Variants in CNGB3 observed in about 807,000 individuals in gnomAD.
CNGB3 encodes cyclic nucleotide-gated channel beta-3.
A neutral mutation model predicts 92.8 loss-of-function variants in CNGB3; 86 were observed. The ratio of observed to expected loss-of-function variants is 0.93; its 90% CI spans 0.78 to 1.11. The LOEUF (loss-of-function observed/expected upper bound fraction) is 1.11. CNGB3 is among the 50% of genes least tolerant of loss of function. The pLI is 0.00. For synonymous variants in CNGB3, 333 were observed against 332.7 expected (o/e 1.00, Z -0.01); for missense variants, 1,026 against 956.8 (o/e 1.07, Z -0.95).
At chr8:86,591,464 TG>T (rs1822034404) in intron 15 of CNGB3, among the ~76,000 whole-genome samples, 1 of 150,618 alleles carries the variant, frequency 6.6e-6, no homozygotes. Context: ...TCCCCATCTT[TG>T]TGGTTTTATC....
intron 11 of CNGB3, among the ~76,000 whole-genome samples, chr8:86,631,877 C>A (rs888863271): frequency 1.3e-5 from 2 of 152,142 alleles, no homozygotes; most frequent in Non-Finnish European, 2.9e-5. Context: ...ACTTTGCTGA[C>A]TGAGGCCTTG....
intron 12 of CNGB3, 109 bp downstream of exon 12, chr8:86,628,810 A>C (rs1032996430): frequency 8.8e-7 from 1 of 1,141,898 alleles, no homozygotes; most frequent in Non-Finnish European, 1.3e-6. Context: ...AGGATCATTT[A>C]GTTGTTTTTC....
intron 15 of CNGB3, among the ~76,000 whole-genome samples, chr8:86,601,515 T>C (rs1257486576): frequency 6.6e-6 from 1 of 152,064 alleles, no homozygotes; most frequent in Non-Finnish European, 1.5e-5. Context: ...TTAATGTTTT[T>C]CTTTATTTTT....
In CNGB3 at chr8:86,574,391, C is replaced by G. The variant is rs146323195; in HGVS notation, c.*1413G>C. On this transcript the variant is annotated 3_prime_UTR_variant, in exon 18 of 18. Coordinates refer to ENST00000320005, the MANE Select transcript of CNGB3 (RefSeq NM_019098.5). ...CAAACTCCCATTTATCAAATAAATACTATTTAACAATTTGTCCATATTCCC... is the reference window on the plus strand; with the variant it reads ...CAAACTCCCATTTATCAAATAAATAGTATTTAACAATTTGTCCATATTCCC... 1 of 152,256 alleles carries G rather than the reference C, an allele frequency of 6.6e-6. No individual in the cohort carries two copies. Among genetic ancestry groups the G allele is most frequent in the East Asian group, 1.9e-4 (1 of 5,186 alleles). The allele number at this position is 152,256 out of a possible 1,614,324, so 9.4% of individuals were successfully genotyped here.
At chr8:86,637,701 T>G (rs1254761317) in intron 10 of CNGB3, among the ~76,000 whole-genome samples, 2 of 152,222 alleles carry the variant, frequency 1.3e-5, no homozygotes, top group Non-Finnish European at 2.9e-5. Flanking sequence ...AATATTTTAT[T>G]CTTTTTGATG....
At chr8:86,635,859 TATATACACATAC>T (rs1823059586) in intron 10 of CNGB3, among the ~76,000 whole-genome samples, 1 of 70,436 alleles carries the variant, frequency 1.4e-5, no homozygotes, top group East Asian at 3.7e-4. Flanking sequence ...TATATATATA[TATATACACATAC>T]ACATATACTT....
intron 6 of CNGB3, chr8:86,659,760 T>A: frequency 2.7e-6 from 1 of 374,344 alleles, no homozygotes; most frequent in Non-Finnish European, 5.2e-6. Flanking sequence ...TTTGAACCTG[T>A]AACCACTCCC....
chr8:86,662,193 T>G (rs909564311), intron 6 of CNGB3, among the ~76,000 whole-genome samples: 2 of 152,340 alleles, frequency 1.3e-5, no homozygotes, highest in South Asian at 4.1e-4. Context: ...CACAGAAACT[T>G]CATAATTTTA....
Position 86,604,130 on chromosome 8 carries a change from C to A in CNGB3, c.1744G>T (p.Val582Phe), listed in dbSNP as rs1482603621. ...AACACCGACCCAGCTTTCAGAGTAA[C>A]CAGAACTTTAGTACCATCAGGGCCT... The part of the protein sequence containing the change: ...LGGPDGTKVL[V>F]TLKAGSVFGE... Residue 582 changes from valine (V) to phenylalanine (F), a missense_variant, in exon 15 of 18, where the codon GTT becomes TTT. By Grantham distance (50) the Val-to-Phe change is conservative. Transcript: ENST00000320005. The A allele has an allele frequency of 6.2e-7, 1 of 1,613,494 alleles. No homozygotes were observed. Among genetic ancestry groups the A allele is most frequent in the African/African-American group, 1.3e-5 (1 of 75,008 alleles).
intron 14 of CNGB3, among the ~76,000 whole-genome samples, chr8:86,610,677 A>G (rs1822500673): frequency 6.6e-6 from 1 of 152,112 alleles, no homozygotes; most frequent in African/African-American, 2.4e-5. Flanking sequence ...ATCATCTTGC[A>G]TTTTTTGAAC....
chr8:86,740,204 C>G (rs4961214), intron 1 of CNGB3, among the ~76,000 whole-genome samples: 6,813 of 152,200 alleles, frequency 0.045, 200 homozygotes, highest in East Asian at 0.13. Context: ...GTGTGTGCCT[C>G]AGGATGTTCC....
chr8:86,690,504 A>G (rs1824290124), intron 3 of CNGB3, among the ~76,000 whole-genome samples: 1 of 152,148 alleles, frequency 6.6e-6, no homozygotes. Context: ...CCCATTCTGT[A>G]GGTTGCCTAT....
chr8:86,686,304 T>C (rs1367067940), intron 3 of CNGB3, among the ~76,000 whole-genome samples: 1 of 151,888 alleles, frequency 6.6e-6, no homozygotes, highest in African/African-American at 2.4e-5. Context: ...CATATGGGCA[T>C]GGTTAATGGA....
chr8:86,619,112 G>C (rs1303936277), intron 13 of CNGB3, among the ~76,000 whole-genome samples: 1 of 152,154 alleles, frequency 6.6e-6, no homozygotes, highest in African/African-American at 2.4e-5. Flanking sequence ...TTCAATTTTG[G>C]TATCTCTGGG....
At chr8:86,670,126 T>A (rs1004226456) in intron 4 of CNGB3, among the ~76,000 whole-genome samples, 4 of 152,166 alleles carry the variant, frequency 2.6e-5, no homozygotes, top group African/African-American at 9.7e-5. Context: ...AGGATTACAG[T>A]CATGAGCCAC....
intron 10 of CNGB3, among the ~76,000 whole-genome samples, chr8:86,635,863 T>TATATATAC (rs1563735421): frequency 5.5e-5 from 3 of 54,944 alleles, no homozygotes; most frequent in African/African-American, 1.7e-4. Context: ...TATATATATA[T>TATATATAC]ACACATACAC....
chr8:86,612,298 A>G (rs1822536602), intron 13 of CNGB3, among the ~76,000 whole-genome samples: 3 of 152,290 alleles, frequency 2.0e-5, no homozygotes, highest in Middle Eastern at 3.4e-3. Flanking sequence ...TGTATTTGTC[A>G]TCTGTTTAAA....
chr8:86,632,773 C>T lies in CNGB3; in HGVS notation c.1299G>A (p.Val433=). The T allele has an allele frequency of 6.2e-7, 1 of 1,612,948 alleles. No homozygotes were observed. Among genetic ancestry groups the T allele is most frequent in the Non-Finnish European group, 8.5e-7 (1 of 1,179,746 alleles). The stretch of plus-strand genomic sequence containing the variant: ...TTACCTGACCAATTAAACTGGAGAA[C>T]ACAAAAACTCCAGAAAAAAAATTCA... The part of the protein sequence containing the change: ...QLLNFFSGVF[V]FSSLIGQMRD... Residue 433 remains valine (V), a synonymous_variant, in exon 11 of 18, where the codon GTG becomes GTA. Coordinates refer to ENST00000320005, the MANE Select transcript of CNGB3 (RefSeq NM_019098.5).
chr8:86,579,176 C>T lies in CNGB3; in HGVS notation c.1858G>A (p.Asp620Asn), dbSNP rs770088718. ...AHGFANLLTL[D>N]KKTLQEILVH... ...AGAATTTCTTGGAGGGTCTTTTTGT[C>T]TAGAGTTAAAAGATTGGCAAACCCG... Residue 620 changes from aspartate (D) to asparagine (N), a missense_variant, in exon 16 of 18, where the codon GAC becomes AAC. By Grantham distance (23) the Asp-to-Asn change is conservative. Coordinates refer to ENST00000320005, the MANE Select transcript of CNGB3 (RefSeq NM_019098.5). 6.2e-7 allele frequency: 1 copy of T among 1,614,108 alleles called. No individual in the cohort carries two copies. The highest frequency in any genetic ancestry group is 8.5e-7 in the Non-Finnish European group (1 of 1,180,004).
Sources: allele counts gnomAD v4.1 joint callset (sites outside exome capture counted in the v4.1 genomes callset), GRCh38; gene constraint gnomAD v4.1.1; transcripts MANE v1.5; gene names NCBI Gene and HGNC (gene_info 2026-07-23, HGNC 2026-07-21).